PREX2: variants seen among roughly 807,000 people sequenced by gnomAD.
The protein encoded by PREX2 is phosphatidylinositol-3,4,5-trisphosphate dependent Rac exchange factor 2.
PREX2 carries 107 observed loss-of-function variants against 203.2 expected under a neutral mutation model. That is an observed-to-expected ratio of 0.53 (90% confidence interval 0.45 to 0.62). The LOEUF (loss-of-function observed/expected upper bound fraction) is 0.62, where lower values mean the gene tolerates loss of function less well. Ranked by LOEUF, PREX2 falls within the 20% of genes least tolerant of loss-of-function variation. The pLI is 0.00. For synonymous variants in PREX2, 672 were observed against 663.6 expected (o/e 1.01, Z -0.19); for missense variants, 1,777 against 1,955.9 (o/e 0.91, Z 1.72).
chr8:67,987,339 A>G (rs1806464439), intron 1 of PREX2, among the ~76,000 whole-genome samples: 1 of 152,132 alleles, frequency 6.6e-6, no homozygotes, highest in South Asian at 2.1e-4. Flanking sequence ...AACCACTATT[A>G]GCACCATAAA....
At chr8:67,983,933 A>G (rs1055602389) in intron 1 of PREX2, among the ~76,000 whole-genome samples, 17 of 152,206 alleles carry the variant, frequency 1.1e-4, no homozygotes, top group Admixed American at 1.0e-3. Flanking sequence ...TGATACCTGT[A>G]AAGAGTGTAG....
intron 25 of PREX2, among the ~76,000 whole-genome samples, chr8:68,110,391 T>A (rs907866640): frequency 2.0e-5 from 3 of 152,140 alleles, no homozygotes; most frequent in Admixed American, 2.0e-4. Flanking sequence ...AATAATGAAT[T>A]ACAAGTTTGT....
chr8:68,223,296 G>GTTTTGT (rs935152017), intron 38 of PREX2: 1 of 152,106 alleles, frequency 6.6e-6, no homozygotes, highest in Non-Finnish European at 1.5e-5. Flanking sequence ...TTCTTTGTTT[G>GTTTTGT]TTTTGTTTTT....
chr8:67,961,652 C>A (rs1222258797), intron 1 of PREX2, among the ~76,000 whole-genome samples: 1 of 152,014 alleles, frequency 6.6e-6, no homozygotes, highest in Non-Finnish European at 1.5e-5. Flanking sequence ...AATATTCCCC[C>A]ATTTTCATAA....
At chr8:68,184,130 G>C (rs971825771) in intron 35 of PREX2, among the ~76,000 whole-genome samples, 4 of 152,160 alleles carry the variant, frequency 2.6e-5, no homozygotes, top group Admixed American at 1.3e-4. Flanking sequence ...AGGTAGGTGG[G>C]ATAGAGGTGC....
intron 4 of PREX2, among the ~76,000 whole-genome samples, chr8:68,023,852 TG>T (rs1383002820): frequency 2.6e-5 from 4 of 152,120 alleles, no homozygotes; most frequent in Non-Finnish European, 5.9e-5. Context: ...TTTATGTATT[TG>T]GTAAGTAGTT....
In PREX2 at chr8:68,056,761, G is replaced by A. The variant is rs1808691171; in HGVS notation, c.1238+787G>A. On this transcript the variant is annotated intron_variant, in intron 10 of 39. Coordinates refer to ENST00000288368, the MANE Select transcript of PREX2 (RefSeq NM_024870.4). ...AGCTTAACAATTTCATATGGTTAGT[G>A]AATACCAATGCCCAAGTTTATAAAG... Among the ~76,000 whole-genome samples the A allele has an allele frequency of 2.6e-5, 4 of 152,172 alleles. No individual in the cohort carries two copies. In the South Asian group the frequency reaches 6.2e-4, roughly 24 times the overall value.
At chr8:67,992,780 T>C (rs553884024) in intron 1 of PREX2, among the ~76,000 whole-genome samples, 1 of 152,340 alleles carries the variant, frequency 6.6e-6, no homozygotes, top group South Asian at 2.1e-4. Context: ...GTTTGAGTTA[T>C]TCATCTGAAC....
intron 1 of PREX2, among the ~76,000 whole-genome samples, chr8:68,011,506 A>G (rs1807259670): frequency 6.6e-6 from 1 of 152,162 alleles, no homozygotes; most frequent in South Asian, 2.1e-4. Flanking sequence ...GATAGGGAGT[A>G]GTGGTGACTG....
intron 32 of PREX2, among the ~76,000 whole-genome samples, chr8:68,136,536 A>G (rs1052874228): frequency 1.3e-5 from 2 of 152,146 alleles, no homozygotes; most frequent in Admixed American, 6.5e-5. Flanking sequence ...CTTGTGCTGT[A>G]GCTCTCAAAG....
chr8:68,021,162 A>G (rs1185365161), intron 3 of PREX2, among the ~76,000 whole-genome samples: 5 of 152,190 alleles, frequency 3.3e-5, no homozygotes, highest in Admixed American at 1.3e-4. Flanking sequence ...CTATTTATCT[A>G]TGAAGGCTGT....
At chr8:68,100,629 A>C (rs965661861) in intron 23 of PREX2, among the ~76,000 whole-genome samples, 4 of 152,200 alleles carry the variant, frequency 2.6e-5, no homozygotes, top group African/African-American at 9.6e-5. Context: ...AAAGAAGGCC[A>C]GGGTGGCCAG....
chr8:68,121,879 CA>C (rs1810781246), intron 30 of PREX2, among the ~76,000 whole-genome samples: 1 of 152,060 alleles, frequency 6.6e-6, no homozygotes. Flanking sequence ...TTCTCTGATA[CA>C]AAATGTTAAT....
At chr8:68,157,837 T>C (rs762575499) in intron 35 of PREX2, among the ~76,000 whole-genome samples, 8 of 151,976 alleles carry the variant, frequency 5.3e-5, no homozygotes, top group Non-Finnish European at 1.0e-4. Context: ...GAAGAATATG[T>C]GTTCAGCATG....
rs533754835 is a variant in PREX2 at position 68,078,927 on chromosome 8, A to C, written c.1642+1458A>C. ...TCATGCCTGGCTTTATTGATGCCCT[A>C]TCATGCTCCTTTTAAAAGACAATTT... is the stretch of plus-strand genomic sequence containing the variant. On this transcript the variant is annotated intron_variant, in intron 15 of 39. Coordinates refer to ENST00000288368, the MANE Select transcript of PREX2 (RefSeq NM_024870.4). 2.0e-5 allele frequency among the ~76,000 whole-genome samples: 3 copies of C among 152,304 alleles called. No individual in the cohort carries two copies. The South Asian group carries it at 6.2e-4, about 32-fold the overall frequency.
chr8:68,046,850 C>T (rs1174064920), intron 8 of PREX2, among the ~76,000 whole-genome samples: 1 of 152,030 alleles, frequency 6.6e-6, no homozygotes, highest in Admixed American at 6.6e-5. Context: ...TAGTTTCCTG[C>T]AAGTACAATT....
chr8:68,105,167 C>T (rs1364708448), intron 23 of PREX2: 1 of 1,367,646 alleles, frequency 7.3e-7, no homozygotes, highest in Admixed American at 1.9e-5. Context: ...TTTACAATTT[C>T]ACAGCACGGC....
chr8:67,973,294 A>C (rs773114944), intron 1 of PREX2, among the ~76,000 whole-genome samples: 4 of 152,144 alleles, frequency 2.6e-5, no homozygotes, highest in Non-Finnish European at 4.4e-5. Flanking sequence ...TGATGCTCAA[A>C]CATCCTAATT....
intron 19 of PREX2, among the ~76,000 whole-genome samples, chr8:68,090,077 A>G (rs528562322): frequency 1.3e-5 from 2 of 152,172 alleles, no homozygotes; most frequent in Non-Finnish European, 2.9e-5. Context: ...TTTTTCTTGG[A>G]AAAACCAGTC....
Sources: allele counts gnomAD v4.1 joint callset (sites outside exome capture counted in the v4.1 genomes callset), GRCh38; gene constraint gnomAD v4.1.1; transcripts MANE v1.5; gene names NCBI Gene and HGNC (gene_info 2026-07-23, HGNC 2026-07-21).